SMC6: variants seen among roughly 807,000 people sequenced by gnomAD.
SMC6 encodes the protein structural maintenance of chromosomes 6.
A neutral mutation model predicts 142.2 loss-of-function variants in SMC6; 79 were observed. That is an observed-to-expected ratio of 0.56 (90% CI 0.46 to 0.67). SMC6 has a LOEUF of 0.67. SMC6 is among the 30% of genes least tolerant of loss of function. The probability of loss-of-function intolerance (pLI) is 0.00; values close to 1 mark genes in which losing one functional copy is unlikely to be tolerated. For synonymous variants in SMC6, 411 were observed against 412.4 expected (o/e 1.00, Z 0.04); for missense variants, 1,072 against 1,284.0 (o/e 0.83, Z 2.52).
At position 17,678,940 on chromosome 2, in the gene SMC6, T is replaced by C; in HGVS notation, c.2829A>G (p.Leu943=). 6.2e-7 allele frequency: 1 copy of C among 1,611,882 alleles called. No homozygotes were observed. The highest frequency in any genetic ancestry group is 8.5e-7 in the Non-Finnish European group (1 of 1,179,124). The change falls in exon 25 of 28, where the codon TTA becomes TTG. Residue 943 remains leucine (L), a synonymous_variant. Coordinates refer to ENST00000448223, the MANE Select transcript of SMC6 (RefSeq NM_001142286.2). ...GCTGAGATAGTAAGTTGTCAAAGTA[T>C]AATTTGCATCGTAAAGTCAAACACC... ...FRRCLTLRCK[L]YFDNLLSQRA...
chr2:17,686,099 C>T (rs991314134), intron 23 of SMC6, among the ~76,000 whole-genome samples: 2 of 152,024 alleles, frequency 1.3e-5, no homozygotes, highest in Admixed American at 6.6e-5. Flanking sequence ...AATTACAAAG[C>T]GTAACTATAC....
chr2:17,682,322 G>C (rs952367110), intron 24 of SMC6, among the ~76,000 whole-genome samples: 13 of 152,158 alleles, frequency 8.5e-5, no homozygotes, highest in African/African-American at 3.1e-4. Context: ...CATTTGACTA[G>C]AACTGCCTGC....
intron 18 of SMC6, 91 bp downstream of exon 18, chr2:17,707,128 C>T: frequency 9.3e-7 from 1 of 1,074,238 alleles, no homozygotes; most frequent in South Asian, 2.6e-5. Flanking sequence ...CACGTCCTCA[C>T]TGAAACAACC....
intron 12 of SMC6, among the ~76,000 whole-genome samples, chr2:17,717,843 G>A (rs893593614): frequency 1.3e-5 from 2 of 152,034 alleles, no homozygotes; most frequent in Non-Finnish European, 2.9e-5. Flanking sequence ...AATTTAGCCA[G>A]CTGTGGTGAC....
chr2:17,713,545 G>A (rs1328424965), intron 16 of SMC6: 2 of 470,924 alleles, frequency 4.2e-6, no homozygotes, highest in Admixed American at 2.3e-5. Context: ...CACAGAGCAG[G>A]CCCCACCAGA....
At chr2:17,686,858 C>G (rs1012233086) in intron 23 of SMC6, among the ~76,000 whole-genome samples, 1 of 152,158 alleles carries the variant, frequency 6.6e-6, no homozygotes, top group Non-Finnish European at 1.5e-5. Context: ...ATAGTAACGT[C>G]TTCACTTTCT....
rs1161638769 is a variant in SMC6 at position 17,731,158 on chromosome 2, T to C, written c.482-19A>G. The C allele has an allele frequency of 2.5e-6, 4 of 1,578,422 alleles. No homozygotes were observed. The highest frequency in any genetic ancestry group is 2.2e-5 in the East Asian group (1 of 44,626). Reference sequence around the variant, plus strand: ...ACGGAGCCTAGTTATAAGAAACATATGAAATAACCAAACTGTTTCTAGGGC... The same window carrying C: ...ACGGAGCCTAGTTATAAGAAACATACGAAATAACCAAACTGTTTCTAGGGC... On this transcript the variant is annotated intron_variant, in intron 6 of 27. Coordinates refer to ENST00000448223, the MANE Select transcript of SMC6 (RefSeq NM_001142286.2).
intron 11 of SMC6, among the ~76,000 whole-genome samples, chr2:17,719,750 C>T (rs1669277026): frequency 6.6e-6 from 1 of 152,118 alleles, no homozygotes; most frequent in Non-Finnish European, 1.5e-5. Flanking sequence ...CACTTACTGC[C>T]TGAAGAGGGA....
intron 9 of SMC6, among the ~76,000 whole-genome samples, chr2:17,722,496 C>T (rs149938345): frequency 6.6e-6 from 1 of 152,206 alleles, no homozygotes; most frequent in Non-Finnish European, 1.5e-5. Flanking sequence ...TTGGCACCAC[C>T]TCCTCCTCTA....
At chr2:17,723,375 G>A (rs1402983171) in intron 9 of SMC6, among the ~76,000 whole-genome samples, 2 of 152,018 alleles carry the variant, frequency 1.3e-5, no homozygotes, top group African/African-American at 4.8e-5. Context: ...GTCTTCTACT[G>A]CCCCCTAAAT....
At chr2:17,687,411 G>T (rs898519235) in intron 23 of SMC6, among the ~76,000 whole-genome samples, 2 of 152,066 alleles carry the variant, frequency 1.3e-5, no homozygotes, top group Non-Finnish European at 2.9e-5. Context: ...TCACAAAACA[G>T]AGTACAATGA....
chr2:17,695,053 C>T, intron 23 of SMC6, 99 bp downstream of exon 23: 2 of 1,312,420 alleles, frequency 1.5e-6, no homozygotes, highest in East Asian at 2.3e-5. Flanking sequence ...GCTATAGTAA[C>T]ACTTCATTCA....
chr2:17,727,953 C>T (rs980075039), intron 7 of SMC6, among the ~76,000 whole-genome samples: 2 of 151,852 alleles, frequency 1.3e-5, no homozygotes, highest in African/African-American at 4.8e-5. Context: ...TTTCACAAAG[C>T]CCCCCCAGCT....
At chr2:17,738,660 C>T (rs992247992) in intron 4 of SMC6, among the ~76,000 whole-genome samples, 1 of 152,154 alleles carries the variant, frequency 6.6e-6, no homozygotes, top group Non-Finnish European at 1.5e-5. Flanking sequence ...TGAATCATCC[C>T]TCTATTTACA....
At chr2:17,725,483 AC>A (rs1241315439) in intron 8 of SMC6, 125 bp from the exon 9 acceptor site, 35 of 591,632 alleles carry the variant, frequency 5.9e-5, no homozygotes, top group Middle Eastern at 4.5e-4. Flanking sequence ...GACATTAAAA[AC>A]GTAAGCAATC....
intron 23 of SMC6, among the ~76,000 whole-genome samples, chr2:17,693,110 G>T (rs147756020): frequency 1.3e-5 from 2 of 152,278 alleles, no homozygotes; most frequent in African/African-American, 4.8e-5. Context: ...TGTTGATGGG[G>T]ACTGTAAACT....
At chr2:17,698,134 C>T (rs1033106096) in intron 21 of SMC6, among the ~76,000 whole-genome samples, 1 of 151,946 alleles carries the variant, frequency 6.6e-6, no homozygotes, top group Non-Finnish European at 1.5e-5. Context: ...GGGATGGGAA[C>T]AGGAGAGAAT....
chr2:17,672,615 T>C (rs1358227418), intron 25 of SMC6, among the ~76,000 whole-genome samples: 1 of 152,188 alleles, frequency 6.6e-6, no homozygotes, highest in Non-Finnish European at 1.5e-5. Flanking sequence ...CTGATTTTAA[T>C]CACCCAAAAT....
Position 17,665,040 on chromosome 2 carries a change from C to A in SMC6, c.*459G>T, listed in dbSNP as rs1487321690. ...ACAAGTGTCTTATTCCCTTGCACCCCACCCTCTGCAATGAGAAATCCCTCC... is the reference window on the plus strand; with the variant it reads ...ACAAGTGTCTTATTCCCTTGCACCCAACCCTCTGCAATGAGAAATCCCTCC... On this transcript the variant is annotated 3_prime_UTR_variant, in exon 28 of 28. Transcript: ENST00000448223. 6.5e-6 allele frequency: 1 copy of A among 152,732 alleles called. No individual in the cohort carries two copies. Among genetic ancestry groups the A allele is most frequent in the Non-Finnish European group, 1.5e-5 (1 of 68,250 alleles). 9.5% of individuals were successfully genotyped at this position (152,732 alleles called of 1,614,324 possible).
Sources: allele counts gnomAD v4.1 joint callset (sites outside exome capture counted in the v4.1 genomes callset), GRCh38; gene constraint gnomAD v4.1.1; transcripts MANE v1.5; gene names NCBI Gene and HGNC (gene_info 2026-07-23, HGNC 2026-07-21).